Variants in KCNMB3 observed in about 807,000 individuals in gnomAD.
KCNMB3 encodes calcium-activated potassium channel subunit beta-3.
A neutral mutation model predicts 11.9 loss-of-function variants in KCNMB3; 18 were observed. The observed-to-expected ratio is 1.51, with a 90% CI of 1.04 to 2.23. The LOEUF (loss-of-function observed/expected upper bound fraction) is 2.23. KCNMB3 is among the 30% of genes most tolerant of loss of function. KCNMB3 has a pLI of 0.00. For missense variants in KCNMB3, 247 were observed against 329.4 expected, an observed-to-expected ratio of 0.75 and a Z score of 1.94; for synonymous variants, 78 against 119.2, an observed-to-expected ratio of 0.65 and a Z score of 2.25.
At chr3:179,245,287 C>G (rs1229406503) in intron 1 of KCNMB3, among the ~76,000 whole-genome samples, 1 of 152,128 alleles carries the variant, frequency 6.6e-6, no homozygotes. Context: ...ATAGCCTACA[C>G]AATTTCTGGC....
intron 1 of KCNMB3, among the ~76,000 whole-genome samples, chr3:179,250,138 G>A (rs1446838055): frequency 6.6e-6 from 1 of 152,176 alleles, no homozygotes; most frequent in African/African-American, 2.4e-5. Context: ...TCCTCTTCAT[G>A]TTGAGTAGGC....
chr3:179,253,942 A>G (rs1172319327), upstream of KCNMB3, among the ~76,000 whole-genome samples: 1 of 152,234 alleles, frequency 6.6e-6, no homozygotes, highest in Non-Finnish European at 1.5e-5. Flanking sequence ...ACAGACAACT[A>G]AAACTTCTGG....
At chr3:179,259,794 G>C (rs1438010779) in intron 1 of KCNMB3, 1 of 1,602,670 alleles carries the variant, frequency 6.2e-7, no homozygotes, top group Non-Finnish European at 8.5e-7. Context: ...TTCTTCATCT[G>C]GCTCTTTCAT....
At chr3:179,241,035 G>A (rs1472996608), downstream of KCNMB3, 1 of 152,136 alleles carries the variant, frequency 6.6e-6, no homozygotes, top group East Asian at 1.9e-4. Context: ...TTAGCCAAGA[G>A]AACTCAGGTA....
At chr3:179,260,988 C>A (rs1726187413) in intron 1 of KCNMB3, 2 of 986,856 alleles carry the variant, frequency 2.0e-6, no homozygotes, top group African/African-American at 1.7e-5. Context: ...GCCTCGGTGT[C>A]GATGGATATA....
chr3:179,244,853 A>C (rs1228992383), intron 1 of KCNMB3, among the ~76,000 whole-genome samples, 160 bp from the exon 2 acceptor site: 1 of 152,200 alleles, frequency 6.6e-6, no homozygotes, highest in Non-Finnish European at 1.5e-5. Flanking sequence ...GGCACATAAT[A>C]AACAGGGAGC....
intron 1 of KCNMB3, chr3:179,259,247 A>G: frequency 6.5e-7 from 1 of 1,534,706 alleles, no homozygotes; most frequent in Non-Finnish European, 8.7e-7. Context: ...CCTGTGAGGG[A>G]CTTTCATTTT....
chr3:179,242,791 T>C lies in KCNMB3; in HGVS notation c.*113A>G. 2 of 1,426,036 alleles carry C rather than the reference T, an allele frequency of 1.4e-6. No homozygotes were observed. The highest frequency in any genetic ancestry group is 9.2e-7 in the Non-Finnish European group (1 of 1,081,928). The allele number at this position is 1,426,036 out of a possible 1,614,324, so 88.3% of individuals were successfully genotyped here. On this transcript the variant is annotated 3_prime_UTR_variant, in exon 3 of 3. Coordinates refer to ENST00000392685, the MANE Select transcript of KCNMB3 (RefSeq NM_171830.2). ...TTAAATTTTTTCCCACATGAAAATA[T>C]GATACTTTAATTATTACCTTTTACA...
chr3:179,240,000 T>G (rs1420899454), downstream of KCNMB3: 1 of 1,543,778 alleles, frequency 6.5e-7, no homozygotes, highest in East Asian at 2.4e-5. Context: ...CTGCACTTAC[T>G]GTTTATGCTC....
At chr3:179,260,561 C>T (rs1726173107) in intron 1 of KCNMB3, 3 of 1,584,276 alleles carry the variant, frequency 1.9e-6, no homozygotes, top group Middle Eastern at 1.7e-4. Flanking sequence ...TCCTAGGGTC[C>T]CATCCCCTGT....
At chr3:179,259,800 T>C in intron 1 of KCNMB3, 2 of 1,604,004 alleles carry the variant, frequency 1.2e-6, no homozygotes, top group East Asian at 4.5e-5. Flanking sequence ...ATCTGGCTCT[T>C]TCATATCTGA....
chr3:179,243,095 G>A lies in KCNMB3; in HGVS notation c.637C>T (p.Pro213Ser). 1 of 1,550,628 alleles carries A rather than the reference G, an allele frequency of 6.4e-7. No homozygotes were observed. Among genetic ancestry groups the A allele is most frequent in the Admixed American group, 1.9e-5 (1 of 51,758 alleles). The change falls in exon 3 of 3, where the codon CCT becomes TCT. Residue 213 changes from proline to serine, a missense_variant. By Grantham distance (74) the Pro-to-Ser change is moderately conservative (BLOSUM62 -1). Transcript: ENST00000392685. Reference sequence around the variant, plus strand: ...GCACCACCTAGCAGAGTCAGTGAAGGCCAAAATAAACAGTGGAAGATAGCC... The same window carrying A: ...GCACCACCTAGCAGAGTCAGTGAAGACCAAAATAAACAGTGGAAGATAGCC... Reference protein sequence around the residue: ...QMAIFHCLFWPSLTLLGGALI... With the variant: ...QMAIFHCLFWSSLTLLGGALI...
chr3:179,256,242 A>C (rs7639338), upstream of KCNMB3, among the ~76,000 whole-genome samples: 71,399 of 152,034 alleles, frequency 0.47, 18,622 homozygotes, highest in East Asian at 0.87. Context: ...TCCAGACCAG[A>C]CTGCCCAACA....
upstream of KCNMB3, chr3:179,251,255 T>C: frequency 2.0e-6 from 3 of 1,481,194 alleles, no homozygotes; most frequent in Non-Finnish European, 1.8e-6. Flanking sequence ...AACTTTGTTA[T>C]CTTTCAGGGA....
At chr3:179,260,745 G>C (rs1726179431) in intron 1 of KCNMB3, 2 of 1,441,488 alleles carry the variant, frequency 1.4e-6, no homozygotes, top group Admixed American at 3.4e-5. Context: ...TCAGCAAACT[G>C]AAACTGCAGT....
intron 1 of KCNMB3, chr3:179,260,986 G>A: frequency 2.0e-6 from 2 of 988,284 alleles, no homozygotes; most frequent in Non-Finnish European, 1.6e-6. Flanking sequence ...ACGCCTCGGT[G>A]TCGATGGATA....
intron 1 of KCNMB3, chr3:179,258,894 C>A: frequency 1.2e-6 from 2 of 1,601,046 alleles, no homozygotes; most frequent in Non-Finnish European, 8.6e-7. Flanking sequence ...AGCAGTAGAT[C>A]ACCTGGTGAT....
At chr3:179,256,432 T>A (rs1360947778), upstream of KCNMB3, among the ~76,000 whole-genome samples, 1 of 151,526 alleles carries the variant, frequency 6.6e-6, no homozygotes, top group African/African-American at 2.4e-5. Context: ...AAAGACTCCA[T>A]CTCAAAGAAA....
intron 1 of KCNMB3, among the ~76,000 whole-genome samples, chr3:179,264,117 A>C (rs1726307140): frequency 6.6e-6 from 1 of 151,832 alleles, no homozygotes; most frequent in Admixed American, 6.6e-5. Context: ...ATATTGTTTT[A>C]AACAGAATGA....
Sources: gnomAD v4.1 joint callset for allele counts (sites outside exome capture counted in the v4.1 genomes callset) on GRCh38, gnomAD v4.1.1 for gene constraint, MANE v1.5 for transcripts, NCBI Gene and HGNC (gene_info 2026-07-23, HGNC 2026-07-21) for gene names.